The following CTNNA3 variants were observed in gnomAD, a reference collection of about 807,000 sequenced individuals.
CTNNA3 encodes catenin alpha 3.
CTNNA3 carries 76 observed loss-of-function variants against 95.7 expected under a neutral mutation model. The observed-to-expected ratio is 0.79, with a 90% confidence interval of 0.66 to 0.96. The LOEUF is 0.96. Ranked by LOEUF, CTNNA3 falls within the 40% of genes least tolerant of loss-of-function variation. CTNNA3 has a pLI of 0.00. For missense variants in CTNNA3, 1,191 were observed against 1,089.8 expected, an observed-to-expected ratio of 1.09 and a Z score of -1.31; for synonymous variants, 431 against 374.4, an observed-to-expected ratio of 1.15 and a Z score of -1.74.
chr10:67,005,682 C>CTT lies in CTNNA3; in HGVS notation c.1047+174633_1047+174634dup, dbSNP rs11369576. 2.8e-3 allele frequency among the ~76,000 whole-genome samples: 176 copies of CTT among 61,966 alleles called. 18 individuals carry two copies. Among genetic ancestry groups the CTT allele is most frequent in the African/African-American group, 6.8e-3 (127 of 18,552 alleles). 40.7% of individuals were successfully genotyped at this position (61,966 alleles called of 152,430 possible). On this transcript the variant is annotated intron_variant, in intron 7 of 17. Transcript: ENST00000433211. The stretch of plus-strand genomic sequence containing the variant: ...AATGCTTTTGTTTATTTTACTCCAT[C>CTT]TTTTTTTTTTTTTTTTTTTTTGAGA...
intron 7 of CTNNA3, among the ~76,000 whole-genome samples, chr10:66,943,346 C>A (rs1397134544): frequency 6.6e-6 from 1 of 151,862 alleles, no homozygotes; most frequent in South Asian, 2.1e-4. Flanking sequence ...TTTTTTTTTA[C>A]ACTTTAACAC....
chr10:66,201,254 C>T (rs536590012), intron 13 of CTNNA3, among the ~76,000 whole-genome samples: 56 of 152,278 alleles, frequency 3.7e-4, no homozygotes, highest in African/African-American at 1.3e-3. Context: ...AACTGTCTGC[C>T]TTCCTAAGGA....
chr10:66,651,653 C>CCTGCCA (rs569047116), intron 9 of CTNNA3, among the ~76,000 whole-genome samples: 7 of 151,532 alleles, frequency 4.6e-5, no homozygotes, highest in Admixed American at 3.9e-4. Context: ...GCGCAGTGCC[C>CCTGCCA]GCCGGCCGGC....
At chr10:66,689,640 T>C (rs1847441613) in intron 9 of CTNNA3, among the ~76,000 whole-genome samples, 2 of 152,186 alleles carry the variant, frequency 1.3e-5, no homozygotes. Context: ...TTTTGATATC[T>C]CAAAGCTCTT....
At chr10:66,915,907 C>T (rs1017557738) in intron 7 of CTNNA3, among the ~76,000 whole-genome samples, 13 of 151,836 alleles carry the variant, frequency 8.6e-5, no homozygotes, top group Admixed American at 7.2e-4. Context: ...TGCCACCACG[C>T]CCAGATAATT....
intron 15 of CTNNA3, among the ~76,000 whole-genome samples, chr10:66,060,350 T>G (rs909968496): frequency 1.3e-5 from 2 of 152,100 alleles, no homozygotes; most frequent in African/African-American, 4.8e-5. Flanking sequence ...TAATAAAAAC[T>G]AATGGGCTTC....
intron 5 of CTNNA3, among the ~76,000 whole-genome samples, chr10:67,375,615 A>G (rs1198772642): frequency 1.3e-5 from 2 of 152,124 alleles, no homozygotes; most frequent in African/African-American, 4.8e-5. Context: ...AAAAAAAACA[A>G]AAACCTGCAA....
At chr10:66,687,380 T>C (rs1008793610) in intron 9 of CTNNA3, among the ~76,000 whole-genome samples, 1 of 152,158 alleles carries the variant, frequency 6.6e-6, no homozygotes, top group Non-Finnish European at 1.5e-5. Flanking sequence ...GCGAATTTCA[T>C]TGGTACATAC....
intron 9 of CTNNA3, among the ~76,000 whole-genome samples, chr10:66,687,736 C>CAT (rs1414893578): frequency 6.8e-6 from 1 of 147,636 alleles, no homozygotes; most frequent in South Asian, 2.1e-4. Flanking sequence ...CACACACATA[C>CAT]ACACACACAC....
intron 13 of CTNNA3, among the ~76,000 whole-genome samples, chr10:66,253,546 A>T (rs1255460615): frequency 6.6e-6 from 1 of 152,224 alleles, no homozygotes; most frequent in Non-Finnish European, 1.5e-5. Context: ...TCTCATTGAA[A>T]TGGTAGAAGA....
intron 7 of CTNNA3, among the ~76,000 whole-genome samples, chr10:66,920,588 C>G (rs1176538122): frequency 6.6e-6 from 1 of 152,138 alleles, no homozygotes; most frequent in Non-Finnish European, 1.5e-5. Flanking sequence ...TCAAAAACTA[C>G]CTTTAAAATA....
chr10:66,126,361 T>C (rs1007837124), intron 13 of CTNNA3, among the ~76,000 whole-genome samples: 1 of 152,206 alleles, frequency 6.6e-6, no homozygotes, highest in Non-Finnish European at 1.5e-5. Flanking sequence ...AAGGCTAGAA[T>C]ATAAATTCAT....
intron 9 of CTNNA3, among the ~76,000 whole-genome samples, chr10:66,704,156 T>G (rs1848043944): frequency 6.6e-6 from 1 of 152,144 alleles, no homozygotes; most frequent in African/African-American, 2.4e-5. Flanking sequence ...GGTGTTTTTC[T>G]ATTTTTCATT....
intron 11 of CTNNA3, among the ~76,000 whole-genome samples, chr10:66,382,491 T>C (rs1009071067): frequency 6.6e-6 from 1 of 150,638 alleles, no homozygotes; most frequent in Non-Finnish European, 1.5e-5. Context: ...CTCCATCTCT[T>C]GGGCAGGGCA....
chr10:67,711,867 A>C (rs1186840540), intron 1 of CTNNA3, among the ~76,000 whole-genome samples: 2 of 151,562 alleles, frequency 1.3e-5, no homozygotes, highest in Non-Finnish European at 2.9e-5. Context: ...GTTTACTGAG[A>C]ATGATGATTT....
intron 5 of CTNNA3, among the ~76,000 whole-genome samples, chr10:67,223,492 C>T (rs1269824146): frequency 6.6e-6 from 1 of 152,032 alleles, no homozygotes; most frequent in African/African-American, 2.4e-5. Flanking sequence ...TTTTTAAATG[C>T]TCCAGAAGAA....
chr10:66,392,955 T>C (rs1421585856), intron 11 of CTNNA3, among the ~76,000 whole-genome samples: 1 of 152,044 alleles, frequency 6.6e-6, no homozygotes, highest in African/African-American at 2.4e-5. Context: ...TGTGTCTTAA[T>C]AGCAGTTTTA....
At chr10:66,809,964 C>T (rs1295567720) in intron 7 of CTNNA3, among the ~76,000 whole-genome samples, 1 of 152,004 alleles carries the variant, frequency 6.6e-6, no homozygotes, top group African/African-American at 2.4e-5. Context: ...GCTACCATGC[C>T]CGGCTAATTT....
intron 13 of CTNNA3, among the ~76,000 whole-genome samples, chr10:66,164,750 CATG>C (rs1396214002): frequency 6.6e-6 from 1 of 152,110 alleles, no homozygotes; most frequent in African/African-American, 2.4e-5. Flanking sequence ...TGATTTTAAA[CATG>C]AGAGATTCTT....
Sources: gnomAD v4.1 joint callset for allele counts (sites outside exome capture counted in the v4.1 genomes callset) on GRCh38, gnomAD v4.1.1 for gene constraint, MANE v1.5 for transcripts, NCBI Gene and HGNC (gene_info 2026-07-23, HGNC 2026-07-21) for gene names.